Variants in APLP2 observed in about 807,000 individuals in gnomAD.
APLP2 encodes CDEI box-binding protein.
In APLP2, 53 loss-of-function variants were observed where a neutral mutation model predicts 89.9. The ratio of observed to expected loss-of-function variants is 0.59; its 90% CI spans 0.47 to 0.74. The LOEUF (loss-of-function observed/expected upper bound fraction) is 0.74. Among genes scored for constraint, APLP2 ranks in the 30% least tolerant of loss-of-function variants. The probability of loss-of-function intolerance (pLI) is 0.00; values close to 1 mark genes in which losing one functional copy is unlikely to be tolerated. For missense variants in APLP2, 973 were observed against 975.9 expected (o/e 1.00, Z 0.04); for synonymous variants, 372 against 348.6 (o/e 1.07, Z -0.75).
intron 1 of APLP2, among the ~76,000 whole-genome samples, chr11:130,079,026 A>G (rs1313650131): frequency 6.6e-6 from 1 of 151,988 alleles, no homozygotes; most frequent in Non-Finnish European, 1.5e-5. Context: ...TAATTGGGGG[A>G]AAATTGACAT....
intron 1 of APLP2, among the ~76,000 whole-genome samples, chr11:130,093,820 C>T (rs926038186): frequency 6.0e-5 from 9 of 151,150 alleles, no homozygotes; most frequent in African/African-American, 2.0e-4. Flanking sequence ...CTCACGTCAC[C>T]GCAACCTCCG....
chr11:130,139,883 G>A (rs570466875), intron 13 of APLP2, among the ~76,000 whole-genome samples: 18 of 152,282 alleles, frequency 1.2e-4, no homozygotes, highest in African/African-American at 4.3e-4. Context: ...ACCTCCCCAG[G>A]ACCAACTGAA....
At chr11:130,090,623 C>G (rs1944822386) in intron 1 of APLP2, among the ~76,000 whole-genome samples, 1 of 151,980 alleles carries the variant, frequency 6.6e-6, no homozygotes, top group Admixed American at 6.5e-5. Flanking sequence ...AGGAATTTTT[C>G]TTAGTGCAGA....
chr11:130,090,405 C>A (rs1229935848), intron 1 of APLP2, among the ~76,000 whole-genome samples: 1 of 149,560 alleles, frequency 6.7e-6, no homozygotes, highest in Non-Finnish European at 1.5e-5. Context: ...GCAGAGGACC[C>A]TGCGGCCTTC....
At chr11:130,125,191 G>A (rs528433502) in intron 7 of APLP2, among the ~76,000 whole-genome samples, 1 of 152,328 alleles carries the variant, frequency 6.6e-6, no homozygotes, top group African/African-American at 2.4e-5. Context: ...CTTCATGAGT[G>A]GGTGATTCCA....
At chr11:130,128,403 C>G (rs138996728) in intron 9 of APLP2, among the ~76,000 whole-genome samples, 197 of 152,274 alleles carry the variant, frequency 1.3e-3, no homozygotes, top group Non-Finnish European at 2.7e-3. Flanking sequence ...CCTAATGTAA[C>G]ACTTTAATAA....
intron 8 of APLP2, 119 bp downstream of exon 8, chr11:130,126,949 G>GACTCACC: frequency 7.3e-7 from 1 of 1,376,584 alleles, no homozygotes; most frequent in Non-Finnish European, 1.0e-6. Flanking sequence ...AAGGACTGGT[G>GACTCACC]AGTCAGGAGA....
intron 6 of APLP2, 114 bp downstream of exon 6, chr11:130,122,627 T>C: frequency 6.6e-7 from 1 of 1,512,772 alleles, no homozygotes; most frequent in Non-Finnish European, 8.9e-7. Flanking sequence ...GTGGTACCTC[T>C]GCACTGAAGG....
chr11:130,141,697 T>C lies in APLP2; in HGVS notation c.1998+125T>C, dbSNP rs371847463. 12 of 959,456 alleles carry C rather than the reference T, an allele frequency of 1.3e-5. No homozygotes were observed. In the East Asian group the frequency reaches 2.8e-4, roughly 22 times the overall value. 59.4% of individuals were successfully genotyped at this position (959,456 alleles called of 1,614,324 possible). ...CTAATAAGGGTCCCTCATCCCCAGC[T>C]TTCCGTACTTTTGGATAAGAAAGCT... On this transcript the variant is annotated intron_variant, in intron 15 of 16. Coordinates refer to ENST00000338167, the MANE Select transcript of APLP2 (RefSeq NM_001142276.2). The surrounding 1 kb of genome is among the most constrained non-coding windows in gnomAD (Gnocchi z 4.2).
rs141683455 is a variant in APLP2 at position 130,074,644 on chromosome 11, AC to A, written c.105+4564del. ...TGTAAGAAATTTAAAAGTACAGATA[AC>A]CAATAAGAAGTGAAAAATGACCTAA... On this transcript the variant is annotated intron_variant, in intron 1 of 16. Coordinates refer to ENST00000338167, the MANE Select transcript of APLP2 (RefSeq NM_001142276.2). Among the ~76,000 whole-genome samples, 505 of 152,342 alleles carry A rather than the reference AC, an allele frequency of 3.3e-3. 7 individuals carry two copies. The highest frequency in any genetic ancestry group is 0.012 in the African/African-American group (485 of 41,568).
At chr11:130,114,649 C>T (rs1213096495) in intron 3 of APLP2, among the ~76,000 whole-genome samples, 1 of 152,298 alleles carries the variant, frequency 6.6e-6, no homozygotes, top group South Asian at 2.1e-4. Flanking sequence ...TTTCCCTACT[C>T]CACTCCTGGA....
chr11:130,127,238 A>G (rs1357713561), intron 8 of APLP2, among the ~76,000 whole-genome samples: 1 of 152,202 alleles, frequency 6.6e-6, no homozygotes, highest in African/African-American at 2.4e-5. Context: ...TGCTAGCTAG[A>G]TACTGCTGTC....
chr11:130,129,276 TC>T (rs1950679227), intron 10 of APLP2, 70 bp downstream of exon 10: 1 of 1,489,268 alleles, frequency 6.7e-7, no homozygotes, highest in Admixed American at 2.3e-5. Flanking sequence ...GACACTCAGG[TC>T]AGTAAAAGTG....
intron 12 of APLP2, among the ~76,000 whole-genome samples, chr11:130,134,837 G>A (rs1021028592): frequency 7.9e-5 from 12 of 152,094 alleles, no homozygotes. Context: ...AGTGCACTTA[G>A]GGTTCCACTG....
rs373041727 is a variant in APLP2 at position 130,139,830 on chromosome 11, G to A, written c.1838-568G>A. On this transcript the variant is annotated intron_variant, in intron 13 of 16. Coordinates refer to ENST00000338167, the MANE Select transcript of APLP2 (RefSeq NM_001142276.2). ...AGGGATTCAGCGTGGTGGGAGATGCGGGAAGAAATCCGTAATGACAGACTG... is the reference window on the plus strand; with the variant it reads ...AGGGATTCAGCGTGGTGGGAGATGCAGGAAGAAATCCGTAATGACAGACTG... Among the ~76,000 whole-genome samples, 7 of 152,240 alleles carry A rather than the reference G, an allele frequency of 4.6e-5. No homozygotes were observed. In the East Asian group the frequency reaches 7.7e-4, roughly 17 times the overall value.
At chr11:130,135,540 G>A in intron 12 of APLP2, 23 bp from the exon 13 acceptor site, 1 of 1,611,168 alleles carries the variant, frequency 6.2e-7, no homozygotes, top group Non-Finnish European at 8.5e-7. Flanking sequence ...CCTGCTTTCT[G>A]TCCCCTGCCC....
At chr11:130,091,323 A>C (rs1284577576) in intron 1 of APLP2, among the ~76,000 whole-genome samples, 376 of 51,868 alleles carry the variant, frequency 7.2e-3, no homozygotes, top group African/African-American at 0.016. Context: ...GGGGGCTGAC[A>C]CCCCCACCTC....
chr11:130,143,009 T>C (rs1399198402), intron 16 of APLP2, among the ~76,000 whole-genome samples: 1 of 152,218 alleles, frequency 6.6e-6, no homozygotes, highest in Non-Finnish European at 1.5e-5. Flanking sequence ...GTCTGCTTGC[T>C]AGCCTACTGC....
At chr11:130,120,493 C>T (rs1949691232) in intron 3 of APLP2, among the ~76,000 whole-genome samples, 2 of 152,160 alleles carry the variant, frequency 1.3e-5, no homozygotes, top group Non-Finnish European at 2.9e-5. Context: ...TAAAAGGTCC[C>T]TGGCATCATG....
Sources: gnomAD v4.1 joint callset for allele counts (sites outside exome capture counted in the v4.1 genomes callset) on GRCh38, gnomAD v4.1.1 for gene constraint, Gnocchi (gnomAD v3.1) non-coding constraint, MANE v1.5 for transcripts, NCBI Gene and HGNC (gene_info 2026-07-23, HGNC 2026-07-21) for gene names.